Variants in SCHIP1 observed in about 807,000 individuals in gnomAD.
SCHIP1 encodes schwannomin-interacting protein 1.
A neutral mutation model predicts 29.7 loss-of-function variants in SCHIP1; 8 were observed. The observed-to-expected ratio is 0.27, with a 90% confidence interval of 0.16 to 0.49. The LOEUF is 0.49. SCHIP1 is among the 20% of genes least tolerant of loss of function. The probability of loss-of-function intolerance (pLI) is 0.99; values close to 1 mark genes in which losing one functional copy is unlikely to be tolerated. For synonymous variants in SCHIP1, 76 were observed against 94.9 expected, an observed-to-expected ratio of 0.80 and a Z score of 1.16; for missense variants, 193 against 294.6, an observed-to-expected ratio of 0.66 and a Z score of 2.52.
At chr3:159,661,247 T>A in the SCHIP1 span, among the ~76,000 whole-genome samples, 6 of 152,232 alleles carry the variant, frequency 3.9e-5, no homozygotes, top group African/African-American at 1.2e-4. Context: ...CTGAATTTCC[T>A]ATTTTGTTTA....
intron 1 of SCHIP1, chr3:159,852,976 C>A: frequency 6.2e-6 from 1 of 160,420 alleles, no homozygotes; most frequent in Non-Finnish European, 1.4e-5. Context: ...AGTCCACACT[C>A]GGCCCTGAAC....
the SCHIP1 span, among the ~76,000 whole-genome samples, chr3:159,557,936 A>AAGG: frequency 6.6e-6 from 1 of 152,244 alleles, no homozygotes; most frequent in Non-Finnish European, 1.5e-5. Context: ...GAAAAAGTAT[A>AAGG]AGGACGCAGT....
the SCHIP1 span, among the ~76,000 whole-genome samples, chr3:159,513,080 T>C: frequency 3.9e-5 from 6 of 152,324 alleles, no homozygotes; most frequent in Admixed American, 2.6e-4. Context: ...CAATAAGGTG[T>C]TTGTTTTAAA....
At chr3:159,573,591 G>C in the SCHIP1 span, among the ~76,000 whole-genome samples, 379 of 152,082 alleles carry the variant, frequency 2.5e-3, 1 homozygote, top group African/African-American at 8.8e-3. Context: ...TGTGTCTTGG[G>C]GTTGCTCTTC....
chr3:159,666,916 T>C, the SCHIP1 span, among the ~76,000 whole-genome samples: 1 of 152,172 alleles, frequency 6.6e-6, no homozygotes, highest in African/African-American at 2.4e-5. Flanking sequence ...AGCCAGCCAG[T>C]TAGGTTCAAA....
chr3:159,665,520 G>C, the SCHIP1 span, among the ~76,000 whole-genome samples: 1 of 149,726 alleles, frequency 6.7e-6, no homozygotes, highest in Non-Finnish European at 1.5e-5. Flanking sequence ...TTTGTTTTTT[G>C]TTGTGGTGGT....
the SCHIP1 span, among the ~76,000 whole-genome samples, chr3:159,313,253 A>G: frequency 2.0e-5 from 3 of 152,230 alleles, no homozygotes; most frequent in African/African-American, 7.2e-5. Flanking sequence ...TACGCAGGAA[A>G]GAAAGAAATA....
the SCHIP1 span, chr3:159,273,973 T>G: frequency 6.5e-7 from 1 of 1,549,214 alleles, no homozygotes; most frequent in Admixed American, 2.0e-5. Flanking sequence ...CTAAGTAACT[T>G]TAAATTTAAG....
chr3:159,852,040 G>A (rs1175193763), intron 1 of SCHIP1, among the ~76,000 whole-genome samples: 1 of 152,196 alleles, frequency 6.6e-6, no homozygotes, highest in East Asian at 1.9e-4. Context: ...TAGAAGTAGG[G>A]CTATTATAAA....
chr3:159,752,758 C>CA, the SCHIP1 span, among the ~76,000 whole-genome samples: 1 of 152,188 alleles, frequency 6.6e-6, no homozygotes, highest in East Asian at 1.9e-4. Flanking sequence ...AACCACCTCT[C>CA]AGCAGGCCTC....
intron 2 of SCHIP1, among the ~76,000 whole-genome samples, chr3:159,879,534 A>G (rs1716224887): frequency 6.6e-6 from 1 of 152,212 alleles, no homozygotes; most frequent in Non-Finnish European, 1.5e-5. Flanking sequence ...TTCAGAATAC[A>G]GATTACTTGG....
the SCHIP1 span, among the ~76,000 whole-genome samples, chr3:159,796,548 A>T: frequency 3.9e-5 from 6 of 152,188 alleles, no homozygotes; most frequent in East Asian, 1.2e-3. Flanking sequence ...TGGAGCAATG[A>T]CATCTGCAGG....
At chr3:159,670,052 G>A in the SCHIP1 span, among the ~76,000 whole-genome samples, 1 of 152,184 alleles carries the variant, frequency 6.6e-6, no homozygotes, top group Non-Finnish European at 1.5e-5. Context: ...TCTACCTTGA[G>A]GGATGATGTC....
At chr3:159,569,087 C>G in the SCHIP1 span, among the ~76,000 whole-genome samples, 1 of 152,048 alleles carries the variant, frequency 6.6e-6, no homozygotes, top group Non-Finnish European at 1.5e-5. Context: ...GCATTTTTTC[C>G]TTTCAACCTT....
chr3:159,330,105 A>G, the SCHIP1 span, among the ~76,000 whole-genome samples: 10 of 152,234 alleles, frequency 6.6e-5, no homozygotes, highest in Admixed American at 4.6e-4. Context: ...ACTGGCTCCT[A>G]TCAGGACTAT....
the SCHIP1 span, among the ~76,000 whole-genome samples, chr3:159,511,413 T>C: frequency 2.0e-5 from 3 of 152,154 alleles, no homozygotes; most frequent in African/African-American, 7.2e-5. Flanking sequence ...CCCTTGCGCT[T>C]CCCGGGTGAA....
At chr3:159,676,303 A>C in the SCHIP1 span, among the ~76,000 whole-genome samples, 2 of 149,894 alleles carry the variant, frequency 1.3e-5, no homozygotes, top group African/African-American at 2.5e-5. Flanking sequence ...AATTACTCAG[A>C]TTATGCTGAA....
chr3:159,863,198 A>T lies in SCHIP1; in HGVS notation c.31-2965A>T, dbSNP rs534473748. ...CTACTAAAAATACAAAAATTAGCTG[A>T]GCGTAGTGGCGCGAGCCTGTAGTCC... On this transcript the variant is annotated intron_variant, in intron 1 of 6. Transcript: ENST00000445224. Among the ~76,000 whole-genome samples, 27 of 152,188 alleles carry T rather than the reference A, an allele frequency of 1.8e-4. No homozygotes were observed. The South Asian group carries it at 4.4e-3, about 25-fold the overall frequency.
chr3:159,680,438 G>A, the SCHIP1 span, among the ~76,000 whole-genome samples: 4 of 144,880 alleles, frequency 2.8e-5, no homozygotes, highest in South Asian at 6.4e-4. Context: ...GAACCCGGGA[G>A]GCGGAGGTTG....
Sources: gnomAD v4.1 joint callset for allele counts (sites outside exome capture counted in the v4.1 genomes callset) on GRCh38, gnomAD v4.1.1 for gene constraint, MANE v1.5 for transcripts, NCBI Gene and HGNC (gene_info 2026-07-23, HGNC 2026-07-21) for gene names.